The following SLC2A13 variants were observed in gnomAD, a reference collection of about 807,000 sequenced individuals.
The protein encoded by SLC2A13 is proton myo-inositol cotransporter.
Under a neutral mutation model 64.4 loss-of-function variants are expected in SLC2A13, and 32 were observed. The ratio of observed to expected loss-of-function variants is 0.50; its 90% CI spans 0.37 to 0.67. SLC2A13 has a LOEUF of 0.67. Among genes scored for constraint, SLC2A13 ranks in the 30% least tolerant of loss-of-function variants. SLC2A13 has a pLI of 0.00. For synonymous variants in SLC2A13, 338 were observed against 327.1 expected, an observed-to-expected ratio of 1.03 and a Z score of -0.36; for missense variants, 743 against 829.2, an observed-to-expected ratio of 0.90 and a Z score of 1.28.
chr12:39,919,488 T>C (rs1285175398), intron 4 of SLC2A13, among the ~76,000 whole-genome samples: 2 of 152,096 alleles, frequency 1.3e-5, no homozygotes, highest in Non-Finnish European at 2.9e-5. Context: ...ACTTTTGTTT[T>C]TCAGAAAAGG....
chr12:39,825,936 T>C (rs1942656899), intron 7 of SLC2A13, among the ~76,000 whole-genome samples: 1 of 152,132 alleles, frequency 6.6e-6, no homozygotes, highest in African/African-American at 2.4e-5. Context: ...TAATTTGAAG[T>C]TGCTTTTTGG....
chr12:40,095,745 A>G (rs1938916162), intron 1 of SLC2A13, among the ~76,000 whole-genome samples: 1 of 152,262 alleles, frequency 6.6e-6, no homozygotes, highest in African/African-American at 2.4e-5. Flanking sequence ...CACAGTATAT[A>G]ATACATATTA....
chr12:39,986,342 C>T (rs1384689832), intron 3 of SLC2A13, among the ~76,000 whole-genome samples: 1 of 152,014 alleles, frequency 6.6e-6, no homozygotes, highest in Non-Finnish European at 1.5e-5. Flanking sequence ...CTGATCCATG[C>T]CTGTTTACTA....
chr12:39,893,594 C>T (rs1044794910), intron 4 of SLC2A13, among the ~76,000 whole-genome samples: 2 of 152,170 alleles, frequency 1.3e-5, no homozygotes, highest in African/African-American at 4.8e-5. Context: ...AGCCACCACG[C>T]CAGGCCTACC....
In SLC2A13 at chr12:39,924,574, T is replaced by A. The variant is rs534502704; in HGVS notation, c.1034+26683A>T. ...TCTGACACAACATAGATACTAAGTATCTACTATTTATCTACTATAAATAAT... is the reference window on the plus strand; with the variant it reads ...TCTGACACAACATAGATACTAAGTAACTACTATTTATCTACTATAAATAAT... On this transcript the variant is annotated intron_variant, in intron 4 of 9. Coordinates refer to ENST00000280871, the MANE Select transcript of SLC2A13 (RefSeq NM_052885.4). 5.9e-4 allele frequency among the ~76,000 whole-genome samples: 90 copies of A among 152,266 alleles called. 1 individual carries two copies. The highest frequency in any genetic ancestry group is 4.4e-3 in the Admixed American group (68 of 15,296).
intron 2 of SLC2A13, among the ~76,000 whole-genome samples, chr12:40,036,905 G>A (rs1947996515): frequency 6.6e-6 from 1 of 151,966 alleles, no homozygotes; most frequent in Non-Finnish European, 1.5e-5. Flanking sequence ...ATTTTTTTGT[G>A]TGGATGTCAT....
intron 4 of SLC2A13, among the ~76,000 whole-genome samples, chr12:39,881,772 T>C (rs969708295): frequency 6.6e-6 from 1 of 152,200 alleles, no homozygotes; most frequent in African/African-American, 2.4e-5. Flanking sequence ...TGGGAGAGGA[T>C]GAAAAGAGGG....
intron 4 of SLC2A13, among the ~76,000 whole-genome samples, chr12:39,925,030 A>ATT (rs58902176): frequency 0.23 from 26,742 of 118,308 alleles, 3,231 homozygotes; most frequent in Non-Finnish European, 0.28. Context: ...CATACAGATA[A>ATT]TTTTTTTTTT....
intron 4 of SLC2A13, among the ~76,000 whole-genome samples, chr12:39,896,436 A>G (rs535988919): frequency 5.5e-5 from 8 of 144,374 alleles, no homozygotes; most frequent in African/African-American, 1.8e-4. Context: ...ATATATGTAT[A>G]CATATATGTA....
At chr12:40,100,270 T>C (rs183341799) in intron 1 of SLC2A13, among the ~76,000 whole-genome samples, 1 of 152,318 alleles carries the variant, frequency 6.6e-6, no homozygotes, top group African/African-American at 2.4e-5. Flanking sequence ...GCTGTATAAA[T>C]TAGTATGTCA....
At chr12:39,861,874 T>A (rs568639249) in intron 6 of SLC2A13, among the ~76,000 whole-genome samples, 172 of 152,114 alleles carry the variant, frequency 1.1e-3, no homozygotes, top group African/African-American at 3.9e-3. Context: ...TGTTTTTTTT[T>A]AAATTTAATT....
intron 4 of SLC2A13, among the ~76,000 whole-genome samples, chr12:39,919,833 T>C (rs1304926246): frequency 6.6e-6 from 1 of 152,156 alleles, no homozygotes; most frequent in Admixed American, 6.5e-5. Context: ...TCCAGATATT[T>C]TGTGACTGGA....
intron 9 of SLC2A13, among the ~76,000 whole-genome samples, chr12:39,764,127 G>GT (rs968628923): frequency 2.8e-4 from 42 of 151,226 alleles, no homozygotes; most frequent in South Asian, 2.1e-3. Context: ...ACCATTTTCT[G>GT]TTTTTTTTTT....
rs1257664834 is a variant in SLC2A13 at position 39,757,963 on chromosome 12, T to C, written c.*2063A>G. 1.3e-5 allele frequency: 2 copies of C among 152,180 alleles called. No homozygotes were observed. Among genetic ancestry groups the C allele is most frequent in the African/African-American group, 4.8e-5 (2 of 41,408 alleles). 9.4% of individuals were successfully genotyped at this position (152,180 alleles called of 1,614,324 possible). A position where few individuals can be genotyped will look rare whatever the true frequency, so the allele number is the denominator to read the frequency against. On this transcript the variant is annotated 3_prime_UTR_variant, in exon 10 of 10. Transcript: ENST00000280871. ...ATTGGTCTACTTTTTCTCCTTATTA[T>C]ATTTTGATTGTACCATATAGTAGCT...
intron 7 of SLC2A13, among the ~76,000 whole-genome samples, chr12:39,805,132 A>AAGGGC (rs145586402): frequency 0.18 from 26,661 of 152,024 alleles, 2,470 homozygotes; most frequent in South Asian, 0.3. Context: ...GGAAGACAGC[A>AAGGGC]AGGGCAGGCC....
chr12:39,933,637 T>A (rs1945867842), intron 4 of SLC2A13, among the ~76,000 whole-genome samples: 1 of 152,188 alleles, frequency 6.6e-6, no homozygotes, highest in Admixed American at 6.5e-5. Context: ...TCCTGTGGTC[T>A]CCTGTGAAGG....
At chr12:39,813,163 C>T (rs1942241896) in intron 7 of SLC2A13, among the ~76,000 whole-genome samples, 1 of 151,474 alleles carries the variant, frequency 6.6e-6, no homozygotes, top group African/African-American at 2.4e-5. Context: ...TACTTTTGCC[C>T]TCCCTTTAAA....
intron 4 of SLC2A13, among the ~76,000 whole-genome samples, chr12:39,908,658 A>G (rs1373627348): frequency 6.6e-6 from 1 of 151,908 alleles, no homozygotes; most frequent in Non-Finnish European, 1.5e-5. Context: ...TAGGGATGCA[A>G]AAGTACCAGG....
intron 6 of SLC2A13, among the ~76,000 whole-genome samples, chr12:39,836,427 A>C (rs1214213797): frequency 1.3e-5 from 2 of 152,192 alleles, no homozygotes; most frequent in Non-Finnish European, 2.9e-5. Context: ...GAAAATCGGC[A>C]TAAGACAGGG....
Sources: allele counts gnomAD v4.1 joint callset (sites outside exome capture counted in the v4.1 genomes callset), GRCh38; gene constraint gnomAD v4.1.1; transcripts MANE v1.5; gene names NCBI Gene and HGNC (gene_info 2026-07-23, HGNC 2026-07-21).